PLEKHG4B: variants seen among roughly 807,000 people sequenced by gnomAD.
PLEKHG4B encodes the protein pleckstrin homology and RhoGEF domain containing G4B, also known as pleckstrin homology domain-containing family G member 4B.
In PLEKHG4B, 111 loss-of-function variants were observed where a neutral mutation model predicts 121.3. The observed-to-expected ratio is 0.92, with a 90% confidence interval of 0.78 to 1.07. The LOEUF (loss-of-function observed/expected upper bound fraction) is 1.07, where lower values mean the gene tolerates loss of function less well. Among genes scored for constraint, PLEKHG4B ranks in the 50% least tolerant of loss-of-function variants. The pLI is 0.00. For synonymous variants in PLEKHG4B, 738 were observed against 725.0 expected (o/e 1.02, Z -0.29); for missense variants, 1,831 against 1,757.8 (o/e 1.04, Z -0.74).
Position 113,037 on chromosome 5 carries a change from C to T in PLEKHG4B, c.46-214C>T, listed in dbSNP as rs557628033. ...CCACGGGTCTGCCTAATGCACCTGC[C>T]CCTCTGCTGTGTGACAGCACAAGGA... On this transcript the variant is annotated intron_variant, in intron 1 of 19. Transcript: ENST00000637938. The surrounding 1 kb of genome is among the most constrained non-coding windows in gnomAD (Gnocchi z 5.2). Among the ~76,000 whole-genome samples, 2 of 152,278 alleles carry T rather than the reference C, an allele frequency of 1.3e-5. No individual in the cohort carries two copies. The highest frequency in any genetic ancestry group is 2.1e-4 in the South Asian group (1 of 4,832).
In PLEKHG4B at chr5:171,339, C is replaced by CCAGGGG; in HGVS notation, c.3950_3955dup (p.Gly1317_Gln1318dup). 1 of 1,612,488 alleles carries CCAGGGG rather than the reference C, an allele frequency of 6.2e-7. No individual in the cohort carries two copies. The highest frequency in any genetic ancestry group is 8.5e-7 in the Non-Finnish European group (1 of 1,179,814). ...TCAAGGAGGCCAGCTGTGGCCTGGC[C>CCAGGGG]CAGGGGCAGGAGCTGGGCGAGCTCC... is the stretch of plus-strand genomic sequence containing the variant. On this transcript the variant is annotated inframe_insertion, in exon 16 of 20. Transcript: ENST00000637938.
At position 165,115 on chromosome 5, in the gene PLEKHG4B, G is replaced by A. The variant is rs1359535046; in HGVS notation, c.3476+1567G>A. Among the ~76,000 whole-genome samples, 9 of 106,164 alleles carry A rather than the reference G, an allele frequency of 8.5e-5. 2 individuals carry two copies. Among genetic ancestry groups the A allele is most frequent in the Admixed American group, 5.3e-4 (6 of 11,218 alleles). The allele number at this position is 106,164 out of a possible 152,430, so 69.6% of individuals were successfully genotyped here. On this transcript the variant is annotated intron_variant, in intron 13 of 19. Transcript: ENST00000637938. Reference sequence around the variant, plus strand: ...GCTCACACTAATGCTGTGACGGGGCGGAGCTCACACAGTAATGCTGTGACG... The same window carrying A: ...GCTCACACTAATGCTGTGACGGGGCAGAGCTCACACAGTAATGCTGTGACG...
At chr5:175,159 C>T (rs1349423825) in intron 18 of PLEKHG4B, among the ~76,000 whole-genome samples, 1 of 152,108 alleles carries the variant, frequency 6.6e-6, no homozygotes, top group Non-Finnish European at 1.5e-5. Flanking sequence ...GACTTCCTGC[C>T]CCTGCCCTGC....
intron 14 of PLEKHG4B, among the ~76,000 whole-genome samples, 177 bp downstream of exon 14, chr5:169,769 C>T (rs1736481478): frequency 6.6e-6 from 1 of 152,246 alleles, no homozygotes; most frequent in African/African-American, 2.4e-5. Flanking sequence ...ACACGGATAA[C>T]CTGTGGGTCT....
intron 6 of PLEKHG4B, among the ~76,000 whole-genome samples, chr5:150,482 C>T (rs1735571862): frequency 6.6e-6 from 1 of 152,052 alleles, no homozygotes. Context: ...GAACAGTACA[C>T]TGAAAAATGA....
intron 2 of PLEKHG4B, among the ~76,000 whole-genome samples, chr5:130,533 A>G (rs771839721): frequency 6.6e-5 from 10 of 152,216 alleles, no homozygotes; most frequent in Non-Finnish European, 1.5e-4. Context: ...ATGGCGTGAT[A>G]TGCCTTTGTT....
In PLEKHG4B at chr5:173,952, A is replaced by T; in HGVS notation, c.4256A>T (p.Asp1419Val). The T allele has an allele frequency of 6.2e-7, 1 of 1,612,870 alleles. No homozygotes were observed. Among genetic ancestry groups the T allele is most frequent in the East Asian group, 2.2e-5 (1 of 44,804 alleles). ...ATCGGGATGACAGAGAACGTCGGGG[A>T]CAGTGGCTTGAGGTTTGAGATTTGG... The part of the protein sequence containing the change: ...AEIGMTENVG[D>V]SGLRFEIWFR... Residue 1419 changes from aspartate to valine, a missense_variant, in exon 18 of 20, where the codon GAC (aspartate) becomes GTC (valine). Transcript: ENST00000637938.
Position 113,810 on chromosome 5 carries a change from T to C in PLEKHG4B, c.243+362T>C, listed in dbSNP as rs185060500. ...GGGACTGTACTGAGCACTTCAGAGC[T>C]AAGTTACTGCAGCAGTAACAATGAA... On this transcript the variant is annotated intron_variant, in intron 2 of 19. Transcript: ENST00000637938. The surrounding 1 kb of genome is among the most constrained non-coding windows in gnomAD (Gnocchi z 5.2). Among the ~76,000 whole-genome samples the C allele has an allele frequency of 2.6e-5, 4 of 152,114 alleles. No individual in the cohort carries two copies. The East Asian group carries it at 7.7e-4, about 29-fold the overall frequency.
rs377052409 is a variant in PLEKHG4B at position 99,577 on chromosome 5, G to A, written c.45+7301G>A. Among the ~76,000 whole-genome samples the A allele has an allele frequency of 4.0e-5, 6 of 151,658 alleles. No individual in the cohort carries two copies. The East Asian group carries it at 9.7e-4, about 24-fold the overall frequency. On this transcript the variant is annotated intron_variant, in intron 1 of 19. Transcript: ENST00000637938. Reference sequence around the variant, plus strand: ...GTGTATAGAAACATAACTAATTTTTGTGTGTTGTTCTTGTACCCTGCAACT... The same window carrying A: ...GTGTATAGAAACATAACTAATTTTTATGTGTTGTTCTTGTACCCTGCAACT...
In PLEKHG4B at chr5:188,447, A is replaced by C. The variant is rs1733690215; in HGVS notation, c.*6124A>C. The C allele has an allele frequency of 6.6e-6, 1 of 152,226 alleles. No homozygotes were observed. Among genetic ancestry groups the C allele is most frequent in the African/African-American group, 2.4e-5 (1 of 41,444 alleles). The allele number at this position is 152,226 out of a possible 1,614,324, so 9.4% of individuals were successfully genotyped here. ...GGGATTAGCACCTTGGCTGAGCCCGAACTGACCACCTGGGGCGTAGGTCCA... is the reference window on the plus strand; with the variant it reads ...GGGATTAGCACCTTGGCTGAGCCCGCACTGACCACCTGGGGCGTAGGTCCA... On this transcript the variant is annotated 3_prime_UTR_variant, in exon 20 of 20. Transcript: ENST00000637938.
Position 112,005 on chromosome 5 carries a change from G to A in PLEKHG4B, c.46-1246G>A, listed in dbSNP as rs542763627. On this transcript the variant is annotated intron_variant, in intron 1 of 19. Transcript: ENST00000637938. ...CATTCTCATGGACTATGTGTTTGCT[G>A]TGTGGCTCAGGTGTGATTTGAGTTT... Among the ~76,000 whole-genome samples, 14 of 152,284 alleles carry A rather than the reference G, an allele frequency of 9.2e-5. No individual in the cohort carries two copies. In the South Asian group the frequency reaches 2.9e-3, roughly 32 times the overall value.
At chr5:142,987 AGCT>A in intron 3 of PLEKHG4B, 57 bp from the exon 4 acceptor site, 3 of 1,482,294 alleles carry the variant, frequency 2.0e-6, no homozygotes, top group Non-Finnish European at 2.8e-6. Context: ...TGAGCATAGC[AGCT>A]GCTTTCAACG....
chr5:168,472 T>A (rs1035009771), intron 13 of PLEKHG4B, among the ~76,000 whole-genome samples: 1 of 152,092 alleles, frequency 6.6e-6, no homozygotes, highest in Non-Finnish European at 1.5e-5. Context: ...GAAAACCTCC[T>A]GGTCAGTCAG....
At chr5:111,322 G>A (rs1734150987) in intron 1 of PLEKHG4B, among the ~76,000 whole-genome samples, 1 of 152,270 alleles carries the variant, frequency 6.6e-6, no homozygotes, top group Non-Finnish European at 1.5e-5. Flanking sequence ...CAGGCCCTGA[G>A]TGGCCCCAGT....
Position 157,919 on chromosome 5 carries a change from C to G in PLEKHG4B, c.2487+1008C>G, listed in dbSNP as rs1282629861. Among the ~76,000 whole-genome samples, 1 of 152,190 alleles carries G rather than the reference C, an allele frequency of 6.6e-6. No homozygotes were observed. The highest frequency in any genetic ancestry group is 6.5e-5 in the Admixed American group (1 of 15,286). The stretch of plus-strand genomic sequence containing the variant: ...CGGCCTTCAGGTCCATGCGCGTGCC[C>G]TCACGGGGGCCTCCAGACAAAGACG... On this transcript the variant is annotated intron_variant, in intron 11 of 19. Coordinates refer to ENST00000637938, the MANE Select transcript of PLEKHG4B (RefSeq NM_052909.5). The surrounding 1 kb of genome is among the most constrained non-coding windows in gnomAD (Gnocchi z 4.6).
chr5:127,935 A>C, intron 2 of PLEKHG4B, among the ~76,000 whole-genome samples: 1 of 152,232 alleles, frequency 6.6e-6, no homozygotes, highest in East Asian at 1.9e-4. Flanking sequence ...AAGGCAGGAC[A>C]ACTAGGGGAT....
At chr5:171,014 C>A (rs760727462) in intron 14 of PLEKHG4B, 29 bp from the exon 15 acceptor site, 3 of 1,580,368 alleles carry the variant, frequency 1.9e-6, no homozygotes, top group Non-Finnish European at 8.6e-7. Context: ...GTCACTCCCA[C>A]AGCCAAGCAG....
chr5:154,620 C>CCTT, intron 7 of PLEKHG4B, among the ~76,000 whole-genome samples: 1 of 142,198 alleles, frequency 7.0e-6, no homozygotes, highest in Non-Finnish European at 1.5e-5. Context: ...TTCCTTCCTC[C>CCTT]CTTTTTTTTT....
At chr5:110,760 C>A (rs1734134300) in intron 1 of PLEKHG4B, among the ~76,000 whole-genome samples, 1 of 152,196 alleles carries the variant, frequency 6.6e-6, no homozygotes, top group Non-Finnish European at 1.5e-5. Flanking sequence ...GTGCACACAT[C>A]CACACAATCT....
Sources: gnomAD v4.1 joint callset for allele counts (sites outside exome capture counted in the v4.1 genomes callset) on GRCh38, gnomAD v4.1.1 for gene constraint, Gnocchi (gnomAD v3.1) non-coding constraint, MANE v1.5 for transcripts, NCBI Gene and HGNC (gene_info 2026-07-23, HGNC 2026-07-21) for gene names.